Variants in RSRC1 observed in about 807,000 individuals in gnomAD.
RSRC1 encodes the protein arginine and serine rich coiled-coil 1.
RSRC1 carries 39 observed loss-of-function variants against 49.1 expected under a neutral mutation model. The ratio of observed to expected loss-of-function variants is 0.79; its 90% CI spans 0.61 to 1.04. The LOEUF is 1.04. RSRC1 is among the 50% of genes least tolerant of loss of function. The pLI is 0.00. For missense variants in RSRC1, 388 were observed against 402.4 expected, an observed-to-expected ratio of 0.96 and a Z score of 0.31; for synonymous variants, 143 against 130.8, an observed-to-expected ratio of 1.09 and a Z score of -0.63.
At chr3:158,457,592 G>A (rs1737397360) in intron 6 of RSRC1, among the ~76,000 whole-genome samples, 1 of 152,126 alleles carries the variant, frequency 6.6e-6, no homozygotes, top group African/African-American at 2.4e-5. Flanking sequence ...CCCAAGAATA[G>A]AACGCCAAGA....
chr3:158,198,000 A>G (rs200234215), intron 3 of RSRC1, among the ~76,000 whole-genome samples: 3 of 152,116 alleles, frequency 2.0e-5, no homozygotes, highest in Non-Finnish European at 4.4e-5. Context: ...GTAGATGTCT[A>G]TTAGGTCGGC....
intron 5 of RSRC1, among the ~76,000 whole-genome samples, chr3:158,313,119 G>T (rs900060978): frequency 6.6e-6 from 1 of 151,312 alleles, no homozygotes; most frequent in African/African-American, 2.4e-5. Context: ...CTCACCCCTT[G>T]GTTACTAGCT....
intron 5 of RSRC1, among the ~76,000 whole-genome samples, chr3:158,312,780 A>G (rs534749288): frequency 2.6e-5 from 4 of 152,246 alleles, no homozygotes; most frequent in Non-Finnish European, 4.4e-5. Flanking sequence ...AATATTTCTC[A>G]AAACCATGTC....
chr3:158,151,966 A>T, intron 3 of RSRC1, among the ~76,000 whole-genome samples: 1 of 152,130 alleles, frequency 6.6e-6, no homozygotes, highest in East Asian at 1.9e-4. Flanking sequence ...TTTAAGTGTG[A>T]TAGATAAGTT....
At chr3:158,229,380 GTATGTGTA>G (rs1722810422) in intron 4 of RSRC1, among the ~76,000 whole-genome samples, 4 of 97,844 alleles carry the variant, frequency 4.1e-5, no homozygotes, top group Non-Finnish European at 4.8e-5. Flanking sequence ...ATATGTGTAT[GTATGTGTA>G]TATATATACA....
At chr3:158,207,674 C>G (rs73166313) in intron 4 of RSRC1, among the ~76,000 whole-genome samples, 16,994 of 77,216 alleles carry the variant, frequency 0.22, 1,223 homozygotes, top group Middle Eastern at 0.32. Context: ...GACAGAGAGA[C>G]AGACAGACAG....
At chr3:158,312,536 T>C (rs116096977) in intron 5 of RSRC1, among the ~76,000 whole-genome samples, 1 of 152,288 alleles carries the variant, frequency 6.6e-6, no homozygotes, top group African/African-American at 2.4e-5. Context: ...TTGTAAATTA[T>C]AAGTTTTTAG....
chr3:158,423,104 G>T (rs1323035281), intron 6 of RSRC1, among the ~76,000 whole-genome samples: 5 of 151,938 alleles, frequency 3.3e-5, no homozygotes, highest in Non-Finnish European at 5.9e-5. Context: ...GTCAATTTTG[G>T]CTTTTGTTGC....
chr3:158,286,298 T>G (rs2108089097), intron 4 of RSRC1, among the ~76,000 whole-genome samples: 1 of 152,362 alleles, frequency 6.6e-6, no homozygotes, highest in South Asian at 2.1e-4. Context: ...TAATTCAAGT[T>G]TCTAGCTGAG....
intron 3 of RSRC1, among the ~76,000 whole-genome samples, chr3:158,181,256 C>G (rs1719608030): frequency 6.6e-6 from 1 of 152,104 alleles, no homozygotes; most frequent in East Asian, 1.9e-4. Flanking sequence ...AATTAGGGCT[C>G]TGAGGACAAG....
chr3:158,414,757 T>C (rs1179146593), intron 6 of RSRC1, among the ~76,000 whole-genome samples: 1 of 152,120 alleles, frequency 6.6e-6, no homozygotes, highest in East Asian at 1.9e-4. Flanking sequence ...TTATCCATTA[T>C]TGAACTGGAA....
At chr3:158,518,140 A>ATTTTTTT (rs1553820473) in intron 7 of RSRC1, among the ~76,000 whole-genome samples, 5 of 79,520 alleles carry the variant, frequency 6.3e-5, no homozygotes, top group African/African-American at 8.1e-5. Context: ...ATATATATAT[A>ATTTTTTT]TATATATATT....
chr3:158,300,170 A>C (rs1727459994), intron 5 of RSRC1, among the ~76,000 whole-genome samples: 1 of 152,202 alleles, frequency 6.6e-6, no homozygotes, highest in Non-Finnish European at 1.5e-5. Flanking sequence ...CATATACCTC[A>C]AATATATTTC....
intron 6 of RSRC1, among the ~76,000 whole-genome samples, chr3:158,403,161 A>G (rs1733981705): frequency 1.3e-5 from 2 of 151,820 alleles, no homozygotes; most frequent in African/African-American, 4.8e-5. Flanking sequence ...CAATAACAGC[A>G]ATGGGTTTGC....
chr3:158,381,945 G>A (rs371193940), intron 6 of RSRC1, among the ~76,000 whole-genome samples: 1 of 151,604 alleles, frequency 6.6e-6, no homozygotes, highest in South Asian at 2.1e-4. Context: ...AATTTTTTTT[G>A]TTCAATAGTA....
intron 3 of RSRC1, among the ~76,000 whole-genome samples, chr3:158,187,345 CAT>C (rs1719989780): frequency 6.6e-6 from 1 of 151,872 alleles, no homozygotes; most frequent in African/African-American, 2.4e-5. Context: ...CTAAATGAGA[CAT>C]ATACTAAACA....
chr3:158,340,998 C>G (rs1468286185), intron 5 of RSRC1, among the ~76,000 whole-genome samples: 1 of 152,026 alleles, frequency 6.6e-6, no homozygotes, highest in Non-Finnish European at 1.5e-5. Flanking sequence ...GGCATTTTGC[C>G]CCCACCCTAG....
chr3:158,363,439 AT>A, intron 6 of RSRC1, among the ~76,000 whole-genome samples: 1 of 151,800 alleles, frequency 6.6e-6, no homozygotes. Flanking sequence ...AATTTTTTGT[AT>A]TTTTGGTGGA....
intron 6 of RSRC1, among the ~76,000 whole-genome samples, chr3:158,418,589 G>C (rs935477842): frequency 6.6e-6 from 1 of 151,808 alleles, no homozygotes; most frequent in Non-Finnish European, 1.5e-5. Context: ...GCCTAATGAG[G>C]TTCGCTCCTA....
Sources: allele counts gnomAD v4.1 joint callset (sites outside exome capture counted in the v4.1 genomes callset), GRCh38; gene constraint gnomAD v4.1.1; transcripts MANE v1.5; gene names NCBI Gene and HGNC (gene_info 2026-07-23, HGNC 2026-07-21).